The following FANCD2 variants were observed in gnomAD, a reference collection of about 807,000 sequenced individuals.
The protein encoded by FANCD2 is Fanconi anemia group D2 protein.
In FANCD2, 131 loss-of-function variants were observed where a neutral mutation model predicts 192.3. The observed-to-expected ratio is 0.68, with a 90% CI of 0.59 to 0.79. The LOEUF (loss-of-function observed/expected upper bound fraction) is 0.79. FANCD2 is among the 30% of genes least tolerant of loss of function. The pLI, the probability that FANCD2 is intolerant of heterozygous loss-of-function variation, is 0.00. For missense variants in FANCD2, 1,508 were observed against 1,701.6 expected (o/e 0.89, Z 2.00); for synonymous variants, 524 against 612.5 (o/e 0.86, Z 2.13).
chr3:10,096,420 A>C lies in FANCD2; in HGVS notation c.4133A>C (p.Asn1378Thr). The C allele has an allele frequency of 6.2e-7, 1 of 1,614,128 alleles. No individual in the cohort carries two copies. The highest frequency in any genetic ancestry group is 8.5e-7 in the Non-Finnish European group (1 of 1,180,002). ...VCRVKAMLTL[N>T]NCREAFWLGN... ...AGAGTCAAAGCTATGCTCACTCTCAACAATTGTAGAGAGGCTTTCTGGCTG... is the reference window on the plus strand; with the variant it reads ...AGAGTCAAAGCTATGCTCACTCTCACCAATTGTAGAGAGGCTTTCTGGCTG... Residue 1378 changes from asparagine (N) to threonine (T), a missense_variant, in exon 42 of 44, where the codon AAC (asparagine) becomes ACC (threonine). Coordinates refer to ENST00000675286, the MANE Select transcript of FANCD2 (RefSeq NM_001018115.3).
chr3:10,079,014 G>A (rs1693683531), intron 30 of FANCD2, among the ~76,000 whole-genome samples: 1 of 151,932 alleles, frequency 6.6e-6, no homozygotes, highest in South Asian at 2.1e-4. Flanking sequence ...GCCGAGGCAG[G>A]TGGATCACCT....
intron 24 of FANCD2, 132 bp downstream of exon 24, chr3:10,065,626 A>G (rs1219628129): frequency 1.3e-6 from 1 of 753,674 alleles, no homozygotes; most frequent in Non-Finnish European, 2.4e-6. Context: ...TATCATTGGA[A>G]TTCCAAAGAC....
At chr3:10,082,055 C>T (rs1229477228) in intron 32 of FANCD2, among the ~76,000 whole-genome samples, 1 of 152,206 alleles carries the variant, frequency 6.6e-6, no homozygotes, top group African/African-American at 2.4e-5. Flanking sequence ...GCATTTATAT[C>T]CAACTGCCTA....
chr3:10,026,973 C>A (rs2086467910), intron 1 of FANCD2, among the ~76,000 whole-genome samples: 1 of 141,044 alleles, frequency 7.1e-6, no homozygotes, highest in African/African-American at 3.0e-5. Flanking sequence ...GGTGCTGAAG[C>A]CAGACTCCGA....
intron 3 of FANCD2, 134 bp from the exon 4 acceptor site, chr3:10,034,324 CAAAAAAAAAAA>C (rs879221957): frequency 7.2e-5 from 30 of 418,268 alleles, no homozygotes; most frequent in Non-Finnish European, 1.1e-4. Context: ...AACTCCATCT[CAAAAAAAAAAA>C]AAAAAAAAAA....
At chr3:10,063,768 A>C in intron 20 of FANCD2, 24 bp from the exon 21 acceptor site, 1 of 1,614,082 alleles carries the variant, frequency 6.2e-7, no homozygotes, top group Non-Finnish European at 8.5e-7. Flanking sequence ...CCAAGGTTTA[A>C]ACCATTCTTC....
rs779549178 is a variant in FANCD2 at position 10,081,378 on chromosome 3, T to C, written c.3138T>C (p.Asp1046=). 2.5e-6 allele frequency: 4 copies of C among 1,614,168 alleles called. No homozygotes were observed. Among genetic ancestry groups the C allele is most frequent in the Non-Finnish European group, 3.4e-6 (4 of 1,179,988 alleles). ...CTGCTGAGAATCACGGTGTAGTTGA[T>C]GGACCAGGAGTGAAAGTTCAGGAGT... ...CLAAENHGVV[D]GPGVKVQEYH... The change falls in exon 32 of 44, where the codon GAT becomes GAC. Residue 1046 remains aspartate, a synonymous_variant. Coordinates refer to ENST00000675286, the MANE Select transcript of FANCD2 (RefSeq NM_001018115.3).
chr3:10,041,284 T>G (rs1362590831), intron 9 of FANCD2: 1 of 305,756 alleles, frequency 3.3e-6, no homozygotes, highest in Non-Finnish European at 6.3e-6. Context: ...TACATGTGTC[T>G]CTCATACTTA....
chr3:10,042,950 C>T, intron 11 of FANCD2, 100 bp from the exon 12 acceptor site: 1 of 1,073,342 alleles, frequency 9.3e-7, no homozygotes, highest in Admixed American at 1.9e-5. Flanking sequence ...AAATTTTTTT[C>T]TTCCTCAGTC....
chr3:10,095,878 A>ATTTT lies in FANCD2; in HGVS notation c.4039-430_4039-427dup, dbSNP rs397950663. ...TAAATTTATAAGGTCCTGAACAGTG[A>ATTTT]TTTTTTTTTTTTTTTTTTTTTGAGA... On this transcript the variant is annotated intron_variant, in intron 41 of 43. Transcript: ENST00000675286. Among the ~76,000 whole-genome samples, 308 of 125,750 alleles carry ATTTT rather than the reference A, an allele frequency of 2.4e-3. 3 individuals are homozygous for ATTTT. Among genetic ancestry groups the ATTTT allele is most frequent in the African/African-American group, 6.7e-3 (217 of 32,398 alleles). 82.5% of individuals were successfully genotyped at this position (125,750 alleles called of 152,430 possible). A position where few individuals can be genotyped will look rare whatever the true frequency, so the allele number is the denominator to read the frequency against.
chr3:10,037,875 T>TA (rs2086769784), intron 7 of FANCD2, among the ~76,000 whole-genome samples: 1 of 152,198 alleles, frequency 6.6e-6, no homozygotes, highest in Admixed American at 6.6e-5. Flanking sequence ...AAAAAGAAGA[T>TA]ACACACATAC....
At chr3:10,080,888 C>T (rs1158839247) in intron 30 of FANCD2, among the ~76,000 whole-genome samples, 1 of 152,218 alleles carries the variant, frequency 6.6e-6, no homozygotes, top group Non-Finnish European at 1.5e-5. Flanking sequence ...CAATCAAACA[C>T]TGTTCCTACT....
Position 10,060,335 on chromosome 3 carries a change from C to G in FANCD2, c.1698C>G (p.Thr566=). The change falls in exon 19 of 44, where the codon ACC becomes ACG. Residue 566 remains threonine (T), a synonymous_variant. Coordinates refer to ENST00000675286, the MANE Select transcript of FANCD2 (RefSeq NM_001018115.3). ...TGATAAGAAAGCAGCTCTCTAGCAC[C>G]GTATTCAAGTACAAGCTCATTGGGA... is the stretch of plus-strand genomic sequence containing the variant. The part of the protein sequence containing the change: ...HLVIRKQLSS[T]VFKYKLIGII... 6.2e-7 allele frequency: 1 copy of G among 1,613,186 alleles called. No individual in the cohort carries two copies. The highest frequency in any genetic ancestry group is 8.5e-7 in the Non-Finnish European group (1 of 1,179,984).
chr3:10,050,342 G>A (rs969037718), intron 17 of FANCD2, among the ~76,000 whole-genome samples: 50 of 152,046 alleles, frequency 3.3e-4, no homozygotes, highest in African/African-American at 1.2e-3. Flanking sequence ...AATATGTGGC[G>A]GTCCGGGTGC....
At position 10,052,511 on chromosome 3, in the gene FANCD2, T is replaced by C. The variant is rs200473919; in HGVS notation, c.1656+14T>C. ...AGCCACATCCAGGTAAGAGGCAATA[T>C]GTTGGGAAAGATTTTTTTTTTTTTG... On this transcript the variant is annotated intron_variant, in intron 18 of 43. Transcript: ENST00000675286. 6.3e-7 allele frequency: 1 copy of C among 1,578,812 alleles called. No individual in the cohort carries two copies. The highest frequency in any genetic ancestry group is 8.7e-7 in the Non-Finnish European group (1 of 1,152,306).
Position 10,036,325 on chromosome 3 carries a change from A to G in FANCD2, c.477A>G (p.Glu159=), listed in dbSNP as rs767016530. The G allele has an allele frequency of 1.2e-6, 2 of 1,612,790 alleles. No homozygotes were observed. Among genetic ancestry groups the G allele is most frequent in the African/African-American group, 2.7e-5 (2 of 74,830 alleles). Reference sequence around the variant, plus strand: ...AAACCTTATTTGAGAAGTTGCCAGAATATTTTTTTGAAAAGTAAGTGGCGT... The same window carrying G: ...AAACCTTATTTGAGAAGTTGCCAGAGTATTTTTTTGAAAAGTAAGTGGCGT... ...IIKTLFEKLP[E]YFFENKNSDE... The change falls in exon 7 of 44, where the codon GAA becomes GAG. Residue 159 remains glutamate (E), a synonymous_variant. Transcript: ENST00000675286.
intron 9 of FANCD2, 125 bp from the exon 10 acceptor site, chr3:10,041,498 G>T: frequency 1.4e-6 from 1 of 717,712 alleles, no homozygotes; most frequent in South Asian, 1.5e-5. Flanking sequence ...ACTATAAACG[G>T]TAACTTAATG....
chr3:10,057,385 A>C (rs933348380), intron 18 of FANCD2, among the ~76,000 whole-genome samples: 5 of 136,896 alleles, frequency 3.7e-5, no homozygotes, highest in African/African-American at 1.1e-4. Context: ...TTTTTTTTTG[A>C]GATGGAGTCT....
At chr3:10,073,143 A>G in intron 27 of FANCD2, 110 bp from the exon 28 acceptor site, 1 of 920,042 alleles carries the variant, frequency 1.1e-6, no homozygotes. Context: ...TTATAAAATT[A>G]CCTCTTCTAC....
Sources: allele counts gnomAD v4.1 joint callset (sites outside exome capture counted in the v4.1 genomes callset), GRCh38; gene constraint gnomAD v4.1.1; transcripts MANE v1.5; gene names NCBI Gene and HGNC (gene_info 2026-07-23, HGNC 2026-07-21).